Variants in FSTL5 observed in about 807,000 individuals in gnomAD.
FSTL5 encodes follistatin-related protein 5.
Under a neutral mutation model 89.1 loss-of-function variants are expected in FSTL5, and 62 were observed. The ratio of observed to expected loss-of-function variants is 0.70; its 90% CI spans 0.57 to 0.86. The LOEUF is 0.86. Ranked by LOEUF, FSTL5 falls within the 40% of genes least tolerant of loss-of-function variation. The pLI is 0.00. For synonymous variants in FSTL5, 383 were observed against 346.2 expected (o/e 1.11, Z -1.18); for missense variants, 1,057 against 1,001.6 (o/e 1.06, Z -0.75).
chr4:161,834,455 G>A (rs1004474296), intron 4 of FSTL5, among the ~76,000 whole-genome samples: 8 of 151,986 alleles, frequency 5.3e-5, no homozygotes, highest in Admixed American at 6.6e-5. Context: ...TGGCCAGGGC[G>A]ATTAGGCAGA....
intron 15 of FSTL5, among the ~76,000 whole-genome samples, chr4:161,410,951 C>CA (rs764615060): frequency 0.057 from 7,250 of 127,928 alleles, 382 homozygotes; most frequent in African/African-American, 0.14. Context: ...GTTGGTTGTT[C>CA]AAAAAAAAAA....
rs757757989 is a variant in FSTL5, at chr4:161,954,351, G to C, written c.161-33699C>G. 1.5e-3 allele frequency among the ~76,000 whole-genome samples: 225 copies of C among 151,440 alleles called. 5 individuals carry two copies. The highest frequency in any genetic ancestry group is 4.7e-4 in the Non-Finnish European group (32 of 67,560). Reference sequence around the variant, plus strand: ...AAAGCTATTAAAATGTTTTTAAGAGGCCATTTCAAAATTTCCACAAAAAAT... The same window carrying C: ...AAAGCTATTAAAATGTTTTTAAGAGCCCATTTCAAAATTTCCACAAAAAAT... On this transcript the variant is annotated intron_variant, in intron 3 of 15. Transcript: ENST00000306100.
At chr4:161,973,090 G>A (rs1314690245) in intron 3 of FSTL5, among the ~76,000 whole-genome samples, 1 of 152,048 alleles carries the variant, frequency 6.6e-6, no homozygotes, top group Non-Finnish European at 1.5e-5. Flanking sequence ...ATTCTCCTTA[G>A]GGAGTGTTTT....
intron 11 of FSTL5, among the ~76,000 whole-genome samples, chr4:161,502,773 A>G (rs534144280): frequency 2.0e-5 from 3 of 151,822 alleles, no homozygotes; most frequent in African/African-American, 7.2e-5. Flanking sequence ...TTTCTCTTTC[A>G]ATTTGCTGCT....
chr4:161,591,380 G>C (rs1025292882), intron 7 of FSTL5, among the ~76,000 whole-genome samples: 2 of 152,236 alleles, frequency 1.3e-5, no homozygotes, highest in South Asian at 4.2e-4. Context: ...TCTAAACTTC[G>C]ACAGCCATGA....
intron 7 of FSTL5, among the ~76,000 whole-genome samples, chr4:161,612,134 C>CTT (rs1258081652): frequency 9.2e-5 from 14 of 151,870 alleles, no homozygotes; most frequent in Admixed American, 2.0e-4. Flanking sequence ...AGAATTTCAA[C>CTT]CAATTGCAAA....
intron 6 of FSTL5, among the ~76,000 whole-genome samples, chr4:161,664,473 C>G (rs1289808442): frequency 6.6e-6 from 1 of 152,190 alleles, no homozygotes; most frequent in Non-Finnish European, 1.5e-5. Flanking sequence ...TAAAACATAA[C>G]AAGAGTCACC....
chr4:161,865,821 G>C (rs1345530213), intron 4 of FSTL5, among the ~76,000 whole-genome samples: 1 of 152,144 alleles, frequency 6.6e-6, no homozygotes, highest in Non-Finnish European at 1.5e-5. Context: ...TGCTGCCATT[G>C]CTTGAAACAT....
At chr4:161,597,670 A>G (rs532989961) in intron 7 of FSTL5, among the ~76,000 whole-genome samples, 1 of 151,946 alleles carries the variant, frequency 6.6e-6, no homozygotes, top group South Asian at 2.1e-4. Flanking sequence ...ACAAAAAAAA[A>G]GAATAAAAAG....
chr4:162,063,843 C>T (rs896549634), intron 2 of FSTL5, among the ~76,000 whole-genome samples: 11 of 151,918 alleles, frequency 7.2e-5, no homozygotes, highest in Middle Eastern at 3.2e-3. Flanking sequence ...ATTCTTGCTA[C>T]TTATAAAGCA....
intron 4 of FSTL5, among the ~76,000 whole-genome samples, chr4:161,800,055 C>G (rs1045881652): frequency 1.6e-4 from 25 of 151,620 alleles, no homozygotes; most frequent in African/African-American, 5.8e-4. Flanking sequence ...GTTGCCCTCT[C>G]TTAAGGCACT....
intron 12 of FSTL5, among the ~76,000 whole-genome samples, chr4:161,497,581 C>T (rs1409373230): frequency 6.6e-6 from 1 of 151,868 alleles, no homozygotes; most frequent in Non-Finnish European, 1.5e-5. Context: ...CCTTTTATTA[C>T]TCTTCCATAA....
chr4:161,589,168 G>C (rs1733722425), intron 7 of FSTL5, among the ~76,000 whole-genome samples: 1 of 149,770 alleles, frequency 6.7e-6, no homozygotes, highest in African/African-American at 2.5e-5. Context: ...GTTGGTTTTT[G>C]TTTGTTTGTT....
intron 6 of FSTL5, among the ~76,000 whole-genome samples, chr4:161,685,197 G>A (rs115813603): frequency 0.01 from 1,524 of 152,192 alleles, 21 homozygotes; most frequent in Non-Finnish European, 0.014. Flanking sequence ...CTCCAGATAT[G>A]TTCTTTTTGT....
chr4:161,941,496 T>C (rs1176274840), intron 3 of FSTL5, among the ~76,000 whole-genome samples: 2 of 151,858 alleles, frequency 1.3e-5, no homozygotes, highest in African/African-American at 4.8e-5. Context: ...GGTGAGATGG[T>C]TGTATGATTA....
chr4:162,136,001 T>C (rs17042031), intron 1 of FSTL5, among the ~76,000 whole-genome samples: 35,303 of 151,848 alleles, frequency 0.23, 4,305 homozygotes, highest in Non-Finnish European at 0.26. Context: ...GGTTGCCATA[T>C]ATATTATCTT....
At chr4:161,776,949 C>G (rs543792029) in intron 4 of FSTL5, among the ~76,000 whole-genome samples, 2 of 151,762 alleles carry the variant, frequency 1.3e-5, no homozygotes, top group South Asian at 4.2e-4. Flanking sequence ...TGTTTTCTTA[C>G]CAAACATTAG....
chr4:161,610,993 G>C (rs971783297), intron 7 of FSTL5, among the ~76,000 whole-genome samples: 12 of 151,126 alleles, frequency 7.9e-5, no homozygotes, highest in African/African-American at 2.9e-4. Flanking sequence ...ATAGAACATG[G>C]ATATATAATT....
intron 8 of FSTL5, among the ~76,000 whole-genome samples, chr4:161,580,129 G>T (rs987448257): frequency 3.3e-5 from 5 of 152,078 alleles, no homozygotes; most frequent in Non-Finnish European, 5.9e-5. Context: ...AATAATTGAA[G>T]CATCTTGACG....
Sources: gnomAD v4.1 joint callset for allele counts (sites outside exome capture counted in the v4.1 genomes callset) on GRCh38, gnomAD v4.1.1 for gene constraint, MANE v1.5 for transcripts, NCBI Gene and HGNC (gene_info 2026-07-23, HGNC 2026-07-21) for gene names.